SRRM3: variants seen among roughly 807,000 people sequenced by gnomAD.
The protein encoded by SRRM3 is serine/arginine repetitive matrix protein 3.
A neutral mutation model predicts 66.2 loss-of-function variants in SRRM3; 27 were observed. That is an observed-to-expected ratio of 0.41 (90% CI 0.30 to 0.56). The LOEUF (loss-of-function observed/expected upper bound fraction) is 0.56, where lower values mean the gene tolerates loss of function less well. Ranked by LOEUF, SRRM3 falls within the 20% of genes least tolerant of loss-of-function variation. The pLI is 0.32. For missense variants in SRRM3, 918 were observed against 991.9 expected (o/e 0.93, Z 1.00); for synonymous variants, 391 against 414.9 (o/e 0.94, Z 0.70).
intron 8 of SRRM3, among the ~76,000 whole-genome samples, chr7:76,263,859 C>G (rs7781748): frequency 9.0e-6 from 1 of 111,070 alleles, no homozygotes; most frequent in Non-Finnish European, 1.7e-5. Context: ...GGCAACAGAG[C>G]GGGACTCTGT....
At chr7:76,278,910 C>T (rs782711980) in intron 11 of SRRM3, among the ~76,000 whole-genome samples, 5 of 152,140 alleles carry the variant, frequency 3.3e-5, no homozygotes, top group African/African-American at 4.8e-5. Context: ...CAGTCCCTAG[C>T]GGCAAGGTGC....
At chr7:76,254,767 C>T (rs566753011) in intron 3 of SRRM3, among the ~76,000 whole-genome samples, 31 of 152,052 alleles carry the variant, frequency 2.0e-4, no homozygotes, top group Non-Finnish European at 2.8e-4. Flanking sequence ...GGCACTTTTG[C>T]GGCTGAGGAC....
Position 76,232,875 on chromosome 7 carries a change from A to T in SRRM3, c.-39-2153A>T, listed in dbSNP as rs182205794. ...TCCTGGACCCGTCTGCCAAGTTGCCAATGGAGGATGAAGGTCTGGGAGCAG... is the reference window on the plus strand; with the variant it reads ...TCCTGGACCCGTCTGCCAAGTTGCCTATGGAGGATGAAGGTCTGGGAGCAG... On this transcript the variant is annotated intron_variant, in intron 1 of 14. Transcript: ENST00000611745. Among the ~76,000 whole-genome samples, 422 of 152,080 alleles carry T rather than the reference A, an allele frequency of 2.8e-3. 2 individuals are homozygous for T. Among genetic ancestry groups the T allele is most frequent in the Non-Finnish European group, 4.5e-3 (307 of 67,966 alleles).
intron 1 of SRRM3, among the ~76,000 whole-genome samples, chr7:76,218,083 G>T (rs1410891584): frequency 6.6e-6 from 1 of 152,210 alleles, no homozygotes; most frequent in Admixed American, 6.5e-5. Context: ...CTAGCCCATC[G>T]TGCCTTCCTC....
chr7:76,235,495 T>C (rs1321485156), intron 2 of SRRM3, among the ~76,000 whole-genome samples, 196 bp downstream of exon 2: 6 of 152,102 alleles, frequency 3.9e-5, no homozygotes, highest in South Asian at 4.1e-4. Flanking sequence ...TTCAGACCAG[T>C]TGGGGTGAAG....
At chr7:76,226,021 G>A (rs188710215) in intron 1 of SRRM3, among the ~76,000 whole-genome samples, 5 of 152,202 alleles carry the variant, frequency 3.3e-5, no homozygotes, top group African/African-American at 1.2e-4. Flanking sequence ...TCTCACTACA[G>A]CCCATTCCCT....
chr7:76,236,660 G>A (rs1174631704), intron 2 of SRRM3, among the ~76,000 whole-genome samples: 1 of 152,232 alleles, frequency 6.6e-6, no homozygotes, highest in African/African-American at 2.4e-5. Context: ...GCGGAGCCAG[G>A]ATCAAGAGCC....
chr7:76,230,860 C>T (rs551385274), intron 1 of SRRM3, among the ~76,000 whole-genome samples: 4 of 151,768 alleles, frequency 2.6e-5, no homozygotes, highest in East Asian at 1.9e-4. Context: ...AAGCGATTCT[C>T]GTGCCTCAGC....
chr7:76,210,778 A>G (rs907368146), intron 1 of SRRM3, among the ~76,000 whole-genome samples: 3 of 151,872 alleles, frequency 2.0e-5, no homozygotes, highest in African/African-American at 7.3e-5. Flanking sequence ...GAGGAGCAGG[A>G]CAGTCCTTGA....
intron 1 of SRRM3, among the ~76,000 whole-genome samples, chr7:76,234,303 C>T (rs1415006340): frequency 6.6e-6 from 1 of 151,996 alleles, no homozygotes; most frequent in African/African-American, 2.4e-5. Context: ...CCACCCCGAG[C>T]CTACAGGAGG....
At chr7:76,209,182 C>T (rs1203066366) in intron 1 of SRRM3, among the ~76,000 whole-genome samples, 1 of 152,178 alleles carries the variant, frequency 6.6e-6, no homozygotes, top group African/African-American at 2.4e-5. Context: ...ACTATACAAT[C>T]GACATTTAAT....
intron 1 of SRRM3, among the ~76,000 whole-genome samples, chr7:76,207,275 C>T (rs1554601261): frequency 6.6e-6 from 1 of 151,968 alleles, no homozygotes; most frequent in Non-Finnish European, 1.5e-5. Flanking sequence ...ACACTCCAGC[C>T]TGGGCGACAG....
At chr7:76,277,716 C>CAAAAA (rs386353056) in intron 11 of SRRM3, among the ~76,000 whole-genome samples, 9 of 102,752 alleles carry the variant, frequency 8.8e-5, no homozygotes, top group African/African-American at 2.9e-4. Flanking sequence ...TAAACAACAA[C>CAAAAA]AAAAAAAAAA....
At chr7:76,260,705 G>T (rs1427358976) in intron 5 of SRRM3, among the ~76,000 whole-genome samples, 169 bp from the exon 6 acceptor site, 2 of 151,858 alleles carry the variant, frequency 1.3e-5, no homozygotes, top group East Asian at 3.9e-4. Context: ...CAGGGGTCCC[G>T]TGCCCACCAA....
At chr7:76,239,115 C>T (rs1265767424) in intron 2 of SRRM3, among the ~76,000 whole-genome samples, 1 of 152,088 alleles carries the variant, frequency 6.6e-6, no homozygotes, top group Non-Finnish European at 1.5e-5. Context: ...TTACTGCAAC[C>T]TCCACCTCCC....
intron 3 of SRRM3, among the ~76,000 whole-genome samples, chr7:76,248,684 G>A (rs577479484): frequency 1.3e-5 from 2 of 152,240 alleles, no homozygotes; most frequent in African/African-American, 4.8e-5. Context: ...CCCTCCTATA[G>A]AAATGAAATT....
At chr7:76,212,388 C>G (rs1554601826) in intron 1 of SRRM3, among the ~76,000 whole-genome samples, 1 of 150,922 alleles carries the variant, frequency 6.6e-6, no homozygotes, top group Non-Finnish European at 1.5e-5. Context: ...AACTCCTGGC[C>G]TCAACTGATC....
chr7:76,243,617 C>G lies in SRRM3; in HGVS notation c.234-4571C>G, dbSNP rs140927185. ...TGCCCATTTCCCAGCCTTCCATGTG[C>G]CAAAGACCCCCAGGAAAGGGGGCTT... On this transcript the variant is annotated intron_variant, in intron 2 of 14. Transcript: ENST00000611745. Among the ~76,000 whole-genome samples the G allele has an allele frequency of 8.6e-3, 1,304 of 152,244 alleles. 19 individuals carry two copies. Among genetic ancestry groups the G allele is most frequent in the African/African-American group, 0.03 (1,236 of 41,544 alleles).
At chr7:76,248,403 G>T in intron 3 of SRRM3, 114 bp downstream of exon 3, 1 of 694,980 alleles carries the variant, frequency 1.4e-6, no homozygotes, top group Non-Finnish European at 2.5e-6. Flanking sequence ...AGGTGAGGGG[G>T]TGGAGAGGAA....
Sources: gnomAD v4.1 joint callset for allele counts (sites outside exome capture counted in the v4.1 genomes callset) on GRCh38, gnomAD v4.1.1 for gene constraint, MANE v1.5 for transcripts, NCBI Gene and HGNC (gene_info 2026-07-23, HGNC 2026-07-21) for gene names.